PARVA: variants seen among roughly 807,000 people sequenced by gnomAD.
PARVA encodes alpha-parvin.
PARVA carries 25 observed loss-of-function variants against 52.6 expected under a neutral mutation model. The ratio of observed to expected loss-of-function variants is 0.48; its 90% CI spans 0.35 to 0.66. PARVA has a LOEUF of 0.66. Among genes scored for constraint, PARVA ranks in the 30% least tolerant of loss-of-function variants. PARVA has a pLI of 0.01. For missense variants in PARVA, 373 were observed against 450.9 expected (o/e 0.83, Z 1.56); for synonymous variants, 185 against 179.1 (o/e 1.03, Z -0.26).
At chr11:12,486,458 G>A (rs1388334110) in intron 4 of PARVA, among the ~76,000 whole-genome samples, 15 of 151,664 alleles carry the variant, frequency 9.9e-5, no homozygotes, top group Non-Finnish European at 1.9e-4. Flanking sequence ...GCTTGAACTC[G>A]GCAGGCGGAG....
intron 1 of PARVA, among the ~76,000 whole-genome samples, chr11:12,389,914 C>T (rs1939632828): frequency 6.6e-6 from 1 of 152,204 alleles, no homozygotes; most frequent in African/African-American, 2.4e-5. Flanking sequence ...TTTATTTCAT[C>T]ATTGAATCAT....
At chr11:12,378,733 T>G (rs1939443463) in intron 1 of PARVA, among the ~76,000 whole-genome samples, 1 of 152,086 alleles carries the variant, frequency 6.6e-6, no homozygotes, top group African/African-American at 2.4e-5. Context: ...GAGTTAAACA[T>G]TTTTGTTTTA....
At chr11:12,515,127 A>C (rs1017882341) in intron 10 of PARVA, among the ~76,000 whole-genome samples, 2 of 152,188 alleles carry the variant, frequency 1.3e-5, no homozygotes, top group African/African-American at 2.4e-5. Context: ...AACTTGGATT[A>C]TTTGGTTAGG....
At chr11:12,488,782 A>G (rs916052192) in intron 4 of PARVA, among the ~76,000 whole-genome samples, 1 of 152,204 alleles carries the variant, frequency 6.6e-6, no homozygotes, top group Non-Finnish European at 1.5e-5. Context: ...TAAAAAATCT[A>G]AATTGAAATT....
At chr11:12,488,727 A>C (rs1165828227) in intron 4 of PARVA, among the ~76,000 whole-genome samples, 1 of 152,210 alleles carries the variant, frequency 6.6e-6, no homozygotes, top group Non-Finnish European at 1.5e-5. Context: ...AAAAGTCTAT[A>C]CTCACACAGA....
At chr11:12,390,288 G>A (rs1939638945) in intron 1 of PARVA, among the ~76,000 whole-genome samples, 1 of 152,224 alleles carries the variant, frequency 6.6e-6, no homozygotes, top group South Asian at 2.1e-4. Flanking sequence ...TGTGTTGAGA[G>A]CCCCTGGTGG....
At chr11:12,447,480 C>G (rs1239654329) in intron 1 of PARVA, among the ~76,000 whole-genome samples, 1 of 152,132 alleles carries the variant, frequency 6.6e-6, no homozygotes, top group Non-Finnish European at 1.5e-5. Flanking sequence ...GATATGGTCC[C>G]AGTCAGTATG....
intron 1 of PARVA, chr11:12,452,945 C>T: frequency 4.4e-6 from 2 of 453,596 alleles, no homozygotes; most frequent in Non-Finnish European, 8.9e-6. Context: ...GGGTAGAAAC[C>T]ACAGGGAGGG....
chr11:12,508,099 TAAAAAAAAAAAA>T (rs35314523), intron 6 of PARVA, among the ~76,000 whole-genome samples: 3 of 91,774 alleles, frequency 3.3e-5, no homozygotes, highest in Admixed American at 1.5e-4. Flanking sequence ...ATTTATCAGT[TAAAAAAAAAAAA>T]AAAAAAAAAA....
At chr11:12,477,418 A>G (rs1217368399) in intron 3 of PARVA, among the ~76,000 whole-genome samples, 1 of 152,142 alleles carries the variant, frequency 6.6e-6, no homozygotes, top group East Asian at 1.9e-4. Flanking sequence ...ATGGCCGTAC[A>G]CTGTGAGTGT....
At chr11:12,460,233 C>CATATAGCATAGTGTTAAGGATGTG (rs1287172882) in intron 1 of PARVA, among the ~76,000 whole-genome samples, 3 of 152,096 alleles carry the variant, frequency 2.0e-5, no homozygotes, top group Non-Finnish European at 4.4e-5. Context: ...ACTGGGACAA[C>CATATAGCATAGTGTTAAGGATGTG]ATATAGCATA....
At position 12,529,620 on chromosome 11, in the gene PARVA, G is replaced by A. The variant is rs1941746896; in HGVS notation, c.*1695G>A. The A allele has an allele frequency of 1.3e-5, 2 of 151,848 alleles. No homozygotes were observed. The highest frequency in any genetic ancestry group is 2.9e-5 in the Non-Finnish European group (2 of 67,946). The allele number at this position is 151,848 out of a possible 1,614,324, so 9.4% of individuals were successfully genotyped here. On this transcript the variant is annotated 3_prime_UTR_variant, in exon 13 of 13. Transcript: ENST00000334956. ...CTGGTTTGAGAATTCATTTTGATCT[G>A]TATCTACACCACCCAAAGTTAGGCC...
intron 1 of PARVA, among the ~76,000 whole-genome samples, chr11:12,411,677 C>T (rs1271008473): frequency 5.9e-5 from 9 of 152,120 alleles, no homozygotes; most frequent in East Asian, 1.9e-4. Flanking sequence ...CATGGTTAGA[C>T]GGAATTGAAC....
chr11:12,484,366 A>T (rs1250904670), intron 4 of PARVA, among the ~76,000 whole-genome samples: 4 of 152,144 alleles, frequency 2.6e-5, no homozygotes, highest in African/African-American at 9.7e-5. Flanking sequence ...ATTTTCAGAG[A>T]TGAGAGTCAT....
At chr11:12,403,477 G>A (rs1291739558) in intron 1 of PARVA, among the ~76,000 whole-genome samples, 2 of 152,350 alleles carry the variant, frequency 1.3e-5, no homozygotes, top group East Asian at 3.9e-4. Context: ...CACTGTGTGC[G>A]TGGGAGGTTC....
At chr11:12,388,977 A>T (rs1362714218) in intron 1 of PARVA, among the ~76,000 whole-genome samples, 1 of 152,256 alleles carries the variant, frequency 6.6e-6, no homozygotes, top group African/African-American at 2.4e-5. Flanking sequence ...TGTGATAATT[A>T]GCTTATCATC....
intron 1 of PARVA, among the ~76,000 whole-genome samples, chr11:12,423,146 G>A (rs369236893): frequency 6.6e-6 from 1 of 150,644 alleles, no homozygotes; most frequent in Non-Finnish European, 1.5e-5. Flanking sequence ...GAGCCACCTC[G>A]CCTAGCCAGA....
chr11:12,507,753 A>G lies in PARVA; in HGVS notation c.658-831A>G, dbSNP rs891250991. On this transcript the variant is annotated intron_variant, in intron 6 of 12. Transcript: ENST00000334956. Reference sequence around the variant, plus strand: ...TGAGATGAAAGGGAATCTTACTAATATGCTGGGACATCAGGGATAAACCAG... The same window carrying G: ...TGAGATGAAAGGGAATCTTACTAATGTGCTGGGACATCAGGGATAAACCAG... 2.4e-4 allele frequency among the ~76,000 whole-genome samples: 36 copies of G among 152,152 alleles called. 1 individual carries two copies. The highest frequency in any genetic ancestry group is 7.2e-4 in the African/African-American group (30 of 41,442).
At chr11:12,499,178 A>T (rs1941335841) in intron 5 of PARVA, among the ~76,000 whole-genome samples, 1 of 152,210 alleles carries the variant, frequency 6.6e-6, no homozygotes, top group South Asian at 2.1e-4. Context: ...GGGAATAATT[A>T]TCTCATCTTG....
Sources: gnomAD v4.1 joint callset for allele counts (sites outside exome capture counted in the v4.1 genomes callset) on GRCh38, gnomAD v4.1.1 for gene constraint, MANE v1.5 for transcripts, NCBI Gene and HGNC (gene_info 2026-07-23, HGNC 2026-07-21) for gene names.